The following TMEM117 variants were observed in gnomAD, a reference collection of about 807,000 sequenced individuals.
TMEM117 encodes the protein transmembrane protein 117.
In TMEM117, 27 loss-of-function variants were observed where a neutral mutation model predicts 52.4. The observed-to-expected ratio is 0.51, with a 90% CI of 0.38 to 0.71. The LOEUF (loss-of-function observed/expected upper bound fraction) is 0.71. Among genes scored for constraint, TMEM117 ranks in the 30% least tolerant of loss-of-function variants. The pLI is 0.00. For synonymous variants in TMEM117, 215 were observed against 206.3 expected, an observed-to-expected ratio of 1.04 and a Z score of -0.36; for missense variants, 556 against 630.5, an observed-to-expected ratio of 0.88 and a Z score of 1.26.
chr12:44,326,958 G>A (rs1225919454), intron 6 of TMEM117, among the ~76,000 whole-genome samples: 1 of 152,174 alleles, frequency 6.6e-6, no homozygotes, highest in African/African-American at 2.4e-5. Flanking sequence ...GGCCTTGGAA[G>A]TCAGTTTCTC....
intron 7 of TMEM117, among the ~76,000 whole-genome samples, chr12:44,387,672 A>G (rs1416899298): frequency 6.6e-6 from 1 of 152,142 alleles, no homozygotes; most frequent in Non-Finnish European, 1.5e-5. Flanking sequence ...GAATTTCATT[A>G]GACTTTGTTT....
upstream of TMEM117, among the ~76,000 whole-genome samples, chr12:43,835,480 A>ATGTG (rs142143920): frequency 0.037 from 5,533 of 150,262 alleles, 248 homozygotes; most frequent in African/African-American, 0.1. Context: ...ATGTGTGCAT[A>ATGTG]TGTGTGTGTG....
chr12:44,186,450 A>T (rs890509144), intron 4 of TMEM117, among the ~76,000 whole-genome samples: 6 of 152,194 alleles, frequency 3.9e-5, no homozygotes, highest in Admixed American at 6.5e-5. Flanking sequence ...TTAAATGCAC[A>T]TGGAAAGATG....
intron 4 of TMEM117, among the ~76,000 whole-genome samples, chr12:44,190,816 T>TCAA (rs1949341479): frequency 6.6e-6 from 1 of 151,088 alleles, no homozygotes; most frequent in Non-Finnish European, 1.5e-5. Flanking sequence ...GTATTTCTTA[T>TCAA]GGAAGTTTTA....
chr12:43,975,063 T>A (rs1442503986), intron 3 of TMEM117, among the ~76,000 whole-genome samples: 1 of 152,182 alleles, frequency 6.6e-6, no homozygotes, highest in Non-Finnish European at 1.5e-5. Flanking sequence ...TATCCTGCCT[T>A]GAGCTACCAC....
intron 2 of TMEM117, among the ~76,000 whole-genome samples, chr12:43,898,040 ACACGCACG>A (rs1489628044): frequency 2.2e-5 from 3 of 134,796 alleles, no homozygotes; most frequent in African/African-American, 6.5e-5. Flanking sequence ...ACACACACAC[ACACGCACG>A]CACACACACA....
At chr12:44,166,715 A>G (rs1288992353) in intron 4 of TMEM117, among the ~76,000 whole-genome samples, 4 of 152,168 alleles carry the variant, frequency 2.6e-5, no homozygotes, top group African/African-American at 7.2e-5. Context: ...TCAAACTCCT[A>G]TCTATGTTCA....
intron 4 of TMEM117, among the ~76,000 whole-genome samples, chr12:44,145,907 C>T (rs1948636196): frequency 6.6e-6 from 1 of 152,188 alleles, no homozygotes; most frequent in Non-Finnish European, 1.5e-5. Flanking sequence ...TTTTCTTTTC[C>T]ACTATGGCAA....
rs537496271 is a variant in TMEM117 at position 44,202,287 on chromosome 12, A to G, written c.511-9003A>G. Among the ~76,000 whole-genome samples, 34 of 152,244 alleles carry G rather than the reference A, an allele frequency of 2.2e-4. No individual in the cohort carries two copies. In the East Asian group the frequency reaches 6.4e-3, roughly 29 times the overall value. ...ATAGAAACCTTTCATATTTTAGAAG[A>G]ATGCACATAAAAAGGTATGATGGTT... On this transcript the variant is annotated intron_variant, in intron 4 of 7. Coordinates refer to ENST00000266534, the MANE Select transcript of TMEM117 (RefSeq NM_032256.3).
intron 5 of TMEM117, among the ~76,000 whole-genome samples, chr12:44,243,219 T>A (rs1281282444): frequency 6.6e-6 from 1 of 151,714 alleles, no homozygotes; most frequent in Non-Finnish European, 1.5e-5. Context: ...TGTTTACTGA[T>A]CTTTGATTTT....
At chr12:44,029,372 G>C (rs1031968248) in intron 3 of TMEM117, among the ~76,000 whole-genome samples, 1 of 152,182 alleles carries the variant, frequency 6.6e-6, no homozygotes, top group East Asian at 1.9e-4. Flanking sequence ...ACTATGGTAA[G>C]CCTAATCCTT....
chr12:43,830,901 C>T, the TMEM117 span, among the ~76,000 whole-genome samples: 1 of 152,108 alleles, frequency 6.6e-6, no homozygotes, highest in Non-Finnish European at 1.5e-5. Flanking sequence ...AATTAATTTG[C>T]TTGATATCAT....
chr12:44,381,506 G>T (rs1015894919), intron 7 of TMEM117, among the ~76,000 whole-genome samples: 1 of 152,170 alleles, frequency 6.6e-6, no homozygotes, highest in Non-Finnish European at 1.5e-5. Flanking sequence ...CAAAGGAAGT[G>T]TCCCATTGGT....
intron 3 of TMEM117, among the ~76,000 whole-genome samples, chr12:43,944,925 A>G (rs1044922673): frequency 6.6e-6 from 1 of 152,102 alleles, no homozygotes; most frequent in Non-Finnish European, 1.5e-5. Flanking sequence ...ATCCTAGCCA[A>G]CATGGTGAAA....
intron 5 of TMEM117, among the ~76,000 whole-genome samples, chr12:44,269,021 A>G (rs1266620753): frequency 6.6e-6 from 1 of 152,186 alleles, no homozygotes; most frequent in Non-Finnish European, 1.5e-5. Flanking sequence ...TTTTATCTAA[A>G]TAAATACATA....
At chr12:44,047,679 A>G (rs768068281) in intron 3 of TMEM117, among the ~76,000 whole-genome samples, 1 of 152,216 alleles carries the variant, frequency 6.6e-6, no homozygotes, top group Non-Finnish European at 1.5e-5. Context: ...AATCCTTTAT[A>G]TGACTGTAGA....
chr12:44,201,266 C>A (rs915332601), intron 4 of TMEM117, among the ~76,000 whole-genome samples: 1 of 152,092 alleles, frequency 6.6e-6, no homozygotes, highest in African/African-American at 2.4e-5. Context: ...AAATTGAAAT[C>A]TCTACAAATA....
At chr12:43,917,432 T>C (rs1233534725) in intron 2 of TMEM117, among the ~76,000 whole-genome samples, 1 of 152,118 alleles carries the variant, frequency 6.6e-6, no homozygotes, top group African/African-American at 2.4e-5. Flanking sequence ...GTTTATGTAA[T>C]TCACAATGTA....
chr12:44,248,943 A>G (rs758323719), intron 5 of TMEM117: 2 of 152,450 alleles, frequency 1.3e-5, no homozygotes, highest in African/African-American at 4.8e-5. Context: ...ATGGGCCAGC[A>G]TGTCCTTCTG....
Sources: allele counts gnomAD v4.1 joint callset (sites outside exome capture counted in the v4.1 genomes callset), GRCh38; gene constraint gnomAD v4.1.1; transcripts MANE v1.5; gene names NCBI Gene and HGNC (gene_info 2026-07-23, HGNC 2026-07-21).